ISM1: variants seen among roughly 807,000 people sequenced by gnomAD.
The protein encoded by ISM1 is isthmin 1.
ISM1 carries 25 observed loss-of-function variants against 46.3 expected under a neutral mutation model. The ratio of observed to expected loss-of-function variants is 0.54; its 90% CI spans 0.39 to 0.75. The LOEUF (loss-of-function observed/expected upper bound fraction) is 0.75. Ranked by LOEUF, ISM1 falls within the 30% of genes least tolerant of loss-of-function variation. The probability of loss-of-function intolerance (pLI) is 0.00; values close to 1 mark genes in which losing one functional copy is unlikely to be tolerated. For synonymous variants in ISM1, 255 were observed against 256.7 expected (o/e 0.99, Z 0.06); for missense variants, 536 against 625.4 (o/e 0.86, Z 1.52).
At position 13,279,801 on chromosome 20, in the gene ISM1, T is replaced by TACCTCAGACGACAGC. The variant is rs2123281834; in HGVS notation, c.548_562dup (p.Thr183_Ser187dup). On this transcript the variant is annotated inframe_insertion, in exon 3 of 6. Transcript: ENST00000262487. ...GGGACCAGGACTACAAGTACGACAG[T>TACCTCAGACGACAGC]ACCTCAGACGACAGCAACTTCCTCA... 6.2e-7 allele frequency: 1 copy of TACCTCAGACGACAGC among 1,613,994 alleles called. No homozygotes were observed. The highest frequency in any genetic ancestry group is 8.5e-7 in the Non-Finnish European group (1 of 1,179,884).
downstream of ISM1, among the ~76,000 whole-genome samples, chr20:13,305,455 C>T (rs2040492803): frequency 6.6e-6 from 1 of 152,124 alleles, no homozygotes; most frequent in African/African-American, 2.4e-5. Flanking sequence ...ATAAGCTTCC[C>T]AGGAAGTGTT....
chr20:13,251,695 T>C (rs965824771), intron 1 of ISM1, among the ~76,000 whole-genome samples: 10 of 152,332 alleles, frequency 6.6e-5, no homozygotes, highest in African/African-American at 2.2e-4. Flanking sequence ...AGACTCTATC[T>C]TCTGACCTTC....
chr20:13,323,008 G>A, the ISM1 span, among the ~76,000 whole-genome samples: 1 of 152,044 alleles, frequency 6.6e-6, no homozygotes, highest in Non-Finnish European at 1.5e-5. Context: ...GGCAGAAAAC[G>A]CCACAGTCCT....
At chr20:13,305,406 G>A (rs2040492278), downstream of ISM1, among the ~76,000 whole-genome samples, 1 of 152,130 alleles carries the variant, frequency 6.6e-6, no homozygotes, top group African/African-American at 2.4e-5. Context: ...CAAAACCCCT[G>A]TGAGTGTCAA....
At chr20:13,236,476 G>A (rs548146576) in intron 1 of ISM1, among the ~76,000 whole-genome samples, 18 of 152,054 alleles carry the variant, frequency 1.2e-4, no homozygotes, top group African/African-American at 3.4e-4. Flanking sequence ...ATTCCACCCC[G>A]GCCCCTCCAA....
intron 1 of ISM1, among the ~76,000 whole-genome samples, chr20:13,227,800 G>A (rs993348563): frequency 1.2e-4 from 18 of 152,078 alleles, no homozygotes; most frequent in African/African-American, 4.1e-4. Flanking sequence ...GAGCCACCGC[G>A]CCCGGCCCCA....
chr20:13,240,740 G>A (rs1923348), intron 1 of ISM1, among the ~76,000 whole-genome samples: 37,721 of 152,062 alleles, frequency 0.25, 4,777 homozygotes, highest in African/African-American at 0.3. Flanking sequence ...CAGGTAAGAG[G>A]TGATGGGATG....
At chr20:13,256,257 G>T (rs529019114) in intron 1 of ISM1, among the ~76,000 whole-genome samples, 1 of 151,972 alleles carries the variant, frequency 6.6e-6, no homozygotes, top group Non-Finnish European at 1.5e-5. Flanking sequence ...TTAGCCAGGC[G>T]TGGTGGCGGG....
the ISM1 span, among the ~76,000 whole-genome samples, chr20:13,321,143 C>T: frequency 1.3e-4 from 20 of 150,600 alleles, no homozygotes; most frequent in Non-Finnish European, 2.2e-4. Context: ...TGAAGGTTTC[C>T]GTGAGCTGAG....
the ISM1 span, among the ~76,000 whole-genome samples, chr20:13,316,927 C>T: frequency 2.6e-5 from 4 of 151,590 alleles, no homozygotes; most frequent in African/African-American, 9.7e-5. Context: ...ACTACAAGTC[C>T]TATCTAATGC....
At chr20:13,311,243 T>TGATAGATA in the ISM1 span, among the ~76,000 whole-genome samples, 1,819 of 127,848 alleles carry the variant, frequency 0.014, 19 homozygotes, top group East Asian at 0.024. Context: ...GATAGATAGA[T>TGATAGATA]GATAGATAGA....
intron 2 of ISM1, among the ~76,000 whole-genome samples, chr20:13,271,957 T>C (rs531833177): frequency 1.1e-3 from 171 of 152,274 alleles, no homozygotes; most frequent in African/African-American, 3.8e-3. Flanking sequence ...TTTTTAATTT[T>C]TTGTAGAAAC....
At chr20:13,243,821 T>C (rs543557499) in intron 1 of ISM1, among the ~76,000 whole-genome samples, 2 of 152,214 alleles carry the variant, frequency 1.3e-5, no homozygotes, top group African/African-American at 2.4e-5. Flanking sequence ...CCATTTGATA[T>C]GGAATGACAA....
chr20:13,239,651 T>C (rs1250916053), intron 1 of ISM1: 2 of 152,192 alleles, frequency 1.3e-5, no homozygotes, highest in Admixed American at 1.3e-4. Flanking sequence ...GCTTCATCTG[T>C]GCTCCAACCC....
intron 2 of ISM1, among the ~76,000 whole-genome samples, chr20:13,276,461 A>G (rs2040181171): frequency 1.3e-5 from 2 of 152,230 alleles, no homozygotes; most frequent in African/African-American, 2.4e-5. Context: ...AGACAGAATT[A>G]TCGAAATGGG....
Position 13,279,819 on chromosome 20 carries a change from C to T in ISM1, c.564C>T (p.Asn188=), listed in dbSNP as rs1482982103. 1.9e-6 allele frequency: 3 copies of T among 1,614,048 alleles called. No individual in the cohort carries two copies. The highest frequency in any genetic ancestry group is 2.5e-6 in the Non-Finnish European group (3 of 1,179,894). The change falls in exon 3 of 6, where the codon AAC becomes AAT. Residue 188 remains asparagine (N), a synonymous_variant. Coordinates refer to ENST00000262487, the MANE Select transcript of ISM1 (RefSeq NM_080826.2). ...ACGACAGTACCTCAGACGACAGCAA[C>T]TTCCTCAACCCCCCCAGGGGGTGGG... ...YKYDSTSDDS[N]FLNPPRGWDH...
chr20:13,265,737 T>G (rs750288380), intron 1 of ISM1, among the ~76,000 whole-genome samples: 3 of 152,226 alleles, frequency 2.0e-5, no homozygotes, highest in Non-Finnish European at 2.9e-5. Context: ...AAAACCTTTA[T>G]AATTTTCTGG....
intron 3 of ISM1, among the ~76,000 whole-genome samples, chr20:13,283,337 T>C (rs560261248): frequency 3.3e-5 from 5 of 152,312 alleles, no homozygotes; most frequent in African/African-American, 1.2e-4. Context: ...TGCAAGTCAC[T>C]GTATCTCGGG....
chr20:13,223,520 C>A (rs1434748723), intron 1 of ISM1, among the ~76,000 whole-genome samples: 2 of 152,152 alleles, frequency 1.3e-5, no homozygotes, highest in African/African-American at 4.8e-5. Context: ...CTTGATTACA[C>A]CAAATTTTGT....
Sources: allele counts gnomAD v4.1 joint callset (sites outside exome capture counted in the v4.1 genomes callset), GRCh38; gene constraint gnomAD v4.1.1; transcripts MANE v1.5; gene names NCBI Gene and HGNC (gene_info 2026-07-23, HGNC 2026-07-21).